GSPT1: variants seen among roughly 807,000 people sequenced by gnomAD.
GSPT1 encodes the protein eukaryotic peptide chain release factor GTP-binding subunit ERF3A.
GSPT1 carries 20 observed loss-of-function variants against 72.5 expected under a neutral mutation model. That is an observed-to-expected ratio of 0.28 (90% CI 0.19 to 0.40). The LOEUF is 0.40. Ranked by LOEUF, GSPT1 falls within the 10% of genes least tolerant of loss-of-function variation. The pLI, the probability that GSPT1 is intolerant of heterozygous loss-of-function variation, is 1.00. For missense variants in GSPT1, 580 were observed against 811.9 expected, an observed-to-expected ratio of 0.71 and a Z score of 3.47; for synonymous variants, 334 against 293.5, an observed-to-expected ratio of 1.14 and a Z score of -1.41.
chr16:11,904,663 A>G (rs1017555353), intron 1 of GSPT1, among the ~76,000 whole-genome samples: 173 of 145,912 alleles, frequency 1.2e-3, no homozygotes, highest in African/African-American at 4.1e-3. Flanking sequence ...CATGGCAGGT[A>G]AAAAAAAAAA....
chr16:11,904,675 C>T (rs2150886203), intron 1 of GSPT1, among the ~76,000 whole-genome samples: 1 of 152,028 alleles, frequency 6.6e-6, no homozygotes, highest in Non-Finnish European at 1.5e-5. Context: ...AAAAAAAAAG[C>T]TACGTTTTGA....
intron 1 of GSPT1, among the ~76,000 whole-genome samples, chr16:11,910,226 T>A (rs908016757): frequency 6.6e-6 from 1 of 152,228 alleles, no homozygotes; most frequent in African/African-American, 2.4e-5. Flanking sequence ...AGTGAGCAGA[T>A]AATAGATAAA....
chr16:11,887,303 AC>A (rs1337708140), intron 7 of GSPT1, among the ~76,000 whole-genome samples: 1 of 152,164 alleles, frequency 6.6e-6, no homozygotes, highest in Non-Finnish European at 1.5e-5. Flanking sequence ...ATGGTGCCTA[AC>A]GGTGGGCTTG....
chr16:11,908,617 G>A lies in GSPT1; in HGVS notation c.352+6752C>T, dbSNP rs1482325919. 1.3e-4 allele frequency: 14 copies of A among 107,076 alleles called. 4 individuals are homozygous for A. The highest frequency in any genetic ancestry group is 1.8e-4 in the Non-Finnish European group (10 of 56,882). 6.6% of individuals were successfully genotyped at this position (107,076 alleles called of 1,614,324 possible). ...CTACTAAAAATACAAAAAATTAGCC[G>A]GGCGTAGTGGCGGGCGCCTGTAGTC... On this transcript the variant is annotated intron_variant, in intron 1 of 14. Transcript: ENST00000434724.
chr16:11,906,157 C>T (rs1419094750), intron 1 of GSPT1, among the ~76,000 whole-genome samples: 2 of 152,106 alleles, frequency 1.3e-5, no homozygotes, highest in Admixed American at 6.6e-5. Context: ...TCTGGGCTCA[C>T]TGCAACCTCC....
intron 1 of GSPT1, among the ~76,000 whole-genome samples, chr16:11,914,256 C>T (rs1392229258): frequency 1.3e-5 from 2 of 152,194 alleles, no homozygotes; most frequent in African/African-American, 4.8e-5. Context: ...TAAGTTCACT[C>T]ATTTGACATT....
chr16:11,904,028 A>C (rs2054452474), intron 1 of GSPT1: 3 of 222,862 alleles, frequency 1.3e-5, no homozygotes, highest in Admixed American at 1.2e-4. Context: ...CACCAAACTC[A>C]TACAAAGCTG....
chr16:11,911,551 ATTTTTTTTTTTT>A lies in GSPT1; in HGVS notation c.352+3806_352+3817del, dbSNP rs3971907. 3.7e-5 allele frequency among the ~76,000 whole-genome samples: 4 copies of A among 108,412 alleles called. No individual in the cohort carries two copies. The Admixed American group carries it at 4.1e-4, about 11-fold the overall frequency. The allele number at this position is 108,412 out of a possible 152,430, so 71.1% of individuals were successfully genotyped here. ...CAGGTTTGTGCCACCACACCCAGCT[ATTTTTTTTTTTT>A]TTTTTTTTTGAGACAGAGTGTCAAT... On this transcript the variant is annotated intron_variant, in intron 1 of 14. Coordinates refer to ENST00000434724, the MANE Select transcript of GSPT1 (RefSeq NM_002094.4).
Position 11,886,602 on chromosome 16 carries a change from T to C in GSPT1, c.1122A>G (p.Glu374=). The change falls in exon 9 of 15, where the codon GAA becomes GAG. Residue 374 remains glutamate (E), a synonymous_variant. Coordinates refer to ENST00000434724, the MANE Select transcript of GSPT1 (RefSeq NM_002094.4). ...TVNWSNERYE[E]CKEKLVPFLK... is the part of the protein sequence containing the mutation. ...AAAATGGCACTAGTTTCTCCTTACA[T>C]TCTTCATATCTGCAATTATAATGTA... 6.2e-7 allele frequency: 1 copy of C among 1,610,654 alleles called. No individual in the cohort carries two copies. Among genetic ancestry groups the C allele is most frequent in the Non-Finnish European group, 8.5e-7 (1 of 1,177,032 alleles).
At chr16:11,890,160 C>T (rs908636411) in intron 6 of GSPT1, among the ~76,000 whole-genome samples, 1 of 151,512 alleles carries the variant, frequency 6.6e-6, no homozygotes, top group Non-Finnish European at 1.5e-5. Context: ...CGGGGTTTCA[C>T]CATGTTAGCC....
chr16:11,899,458 C>T (rs906444023), intron 1 of GSPT1, among the ~76,000 whole-genome samples: 1 of 151,992 alleles, frequency 6.6e-6, no homozygotes, highest in African/African-American at 2.4e-5. Flanking sequence ...TGCAAGAAAG[C>T]ATGCCATGGA....
At chr16:11,900,825 T>C (rs150421222) in intron 1 of GSPT1, among the ~76,000 whole-genome samples, 105 of 152,172 alleles carry the variant, frequency 6.9e-4, no homozygotes, top group African/African-American at 2.4e-3. Context: ...CACCAACTAT[T>C]AGATTTACAA....
In GSPT1 at chr16:11,915,868, G is replaced by GGATCTTT; in HGVS notation, c.-149_-148insAAAGATC. On this transcript the variant is annotated 5_prime_UTR_variant, in exon 1 of 15. Transcript: ENST00000434724. ...CGACAAAGATCCCCGGCGTCGCCGC[G>GGATCTTT]GCAGCAGCTCCAGTCCCGACTCCAC... 1 of 1,244,548 alleles carries GGATCTTT rather than the reference G, an allele frequency of 8.0e-7. No individual in the cohort carries two copies. Among genetic ancestry groups the GGATCTTT allele is most frequent in the Non-Finnish European group, 1.2e-6 (1 of 863,394 alleles). The allele number at this position is 1,244,548 out of a possible 1,614,324, so 77.1% of individuals were successfully genotyped here.
At chr16:11,879,115 G>T (rs1026569949) in intron 11 of GSPT1, among the ~76,000 whole-genome samples, 18 of 125,420 alleles carry the variant, frequency 1.4e-4, no homozygotes, top group African/African-American at 5.0e-4. Flanking sequence ...ATAAAAAAAA[G>T]GCCGGGCACA....
chr16:11,905,224 T>G (rs1016849769), intron 1 of GSPT1, among the ~76,000 whole-genome samples: 1 of 152,192 alleles, frequency 6.6e-6, no homozygotes, highest in African/African-American at 2.4e-5. Context: ...CTGTCCAAGT[T>G]TCTGTAGTGA....
intron 5 of GSPT1, among the ~76,000 whole-genome samples, chr16:11,891,846 T>C (rs1333689188): frequency 6.8e-6 from 1 of 147,516 alleles, no homozygotes; most frequent in East Asian, 2.1e-4. Context: ...GTATTTTTAG[T>C]AGAGACTGGG....
rs1358619889 is a variant in GSPT1, at chr16:11,915,953, G to C, written c.-233C>G. 1 of 738,330 alleles carries C rather than the reference G, an allele frequency of 1.4e-6. No individual in the cohort carries two copies. 45.7% of individuals were successfully genotyped at this position (738,330 alleles called of 1,614,324 possible). ...GCTCAACCCTCCTCCTCGTGTGTGTGAGCGGATCTCCTCCCACCCAACCAC... is the reference window on the plus strand; with the variant it reads ...GCTCAACCCTCCTCCTCGTGTGTGTCAGCGGATCTCCTCCCACCCAACCAC... On this transcript the variant is annotated 5_prime_UTR_variant, in exon 1 of 15. Coordinates refer to ENST00000434724, the MANE Select transcript of GSPT1 (RefSeq NM_002094.4).
At position 11,915,591 on chromosome 16, in the gene GSPT1, A is replaced by C. The variant is rs1265167191; in HGVS notation, c.130T>G (p.Cys44Gly). The part of the protein sequence containing the change: ...ADMEAPGPGP[C>G]GGGGSLAAAA... Reference sequence around the variant, plus strand: ...GCCGCCAGGGAGCCGCCGCCGCCGCAAGGGCCCGGCCCGGGGGCTTCCATG... The same window carrying C: ...GCCGCCAGGGAGCCGCCGCCGCCGCCAGGGCCCGGCCCGGGGGCTTCCATG... Residue 44 changes from cysteine to glycine, a missense_variant, in exon 1 of 15, where the codon TGC becomes GGC. Around this residue, in one of 6 missense-constraint regions of GSPT1, gnomAD observed 327 missense variants for 298.8 expected, o/e 1.09. Coordinates refer to ENST00000434724, the MANE Select transcript of GSPT1 (RefSeq NM_002094.4). 1 of 1,483,476 alleles carries C rather than the reference A, an allele frequency of 6.7e-7. No individual in the cohort carries two copies. The highest frequency in any genetic ancestry group is 8.9e-7 in the Non-Finnish European group (1 of 1,118,216). 91.9% of individuals were successfully genotyped at this position (1,483,476 alleles called of 1,614,324 possible). A position where few individuals can be genotyped will look rare whatever the true frequency, so the allele number is the denominator to read the frequency against.
At chr16:11,878,137 CAG>C (rs1228032029) in intron 11 of GSPT1, among the ~76,000 whole-genome samples, 44 of 152,068 alleles carry the variant, frequency 2.9e-4, no homozygotes, top group Non-Finnish European at 5.9e-4. Context: ...TATTTTGAGA[CAG>C]AGTTTTGCTC....
Sources: gnomAD v4.1 joint callset for allele counts (sites outside exome capture counted in the v4.1 genomes callset) on GRCh38, gnomAD v4.1.1 for gene constraint, gnomAD v4.1.1 regional missense constraint, MANE v1.5 for transcripts, NCBI Gene and HGNC (gene_info 2026-07-23, HGNC 2026-07-21) for gene names.